WWOX: variants seen among roughly 807,000 people sequenced by gnomAD.
WWOX encodes the protein WW domain-containing oxidoreductase.
WWOX carries 69 observed loss-of-function variants against 46.2 expected under a neutral mutation model. That is an observed-to-expected ratio of 1.49 (90% CI 1.23 to 1.82). The LOEUF is 1.82. Ranked by LOEUF, WWOX falls within the 40% of genes most tolerant of loss-of-function variation. The pLI is 0.00. For missense variants in WWOX, 919 were observed against 542.6 expected (o/e 1.69, Z -6.89); for synonymous variants, 359 against 202.6 (o/e 1.77, Z -6.56).
intron 6 of WWOX, among the ~76,000 whole-genome samples, chr16:78,402,254 G>A (rs972762367): frequency 2.0e-5 from 3 of 151,990 alleles, no homozygotes; most frequent in Non-Finnish European, 4.4e-5. Context: ...TTTGTGACTG[G>A]CTTTCACTTA....
chr16:78,200,112 T>C (rs2036186769), intron 5 of WWOX, among the ~76,000 whole-genome samples: 1 of 152,126 alleles, frequency 6.6e-6, no homozygotes, highest in African/African-American at 2.4e-5. Flanking sequence ...AGTTACTGAG[T>C]GTCGCCAAGA....
At chr16:78,600,477 T>A (rs1295169100) in intron 8 of WWOX, among the ~76,000 whole-genome samples, 2 of 151,960 alleles carry the variant, frequency 1.3e-5, no homozygotes, top group Non-Finnish European at 2.9e-5. Flanking sequence ...TTCTTTTCTT[T>A]CCCCCCAACC....
Position 78,705,971 on chromosome 16 carries a change from G to A in WWOX, c.1056+273219G>A, listed in dbSNP as rs112849072. Among the ~76,000 whole-genome samples the A allele has an allele frequency of 4.9e-3, 741 of 151,324 alleles. 4 individuals carry two copies. The highest frequency in any genetic ancestry group is 0.016 in the African/African-American group (672 of 41,270). ...GTGGAACGTGGTTTAGATGCTGTGC[G>A]TACAGCAGTGACTCAGATAGGTGTG... On this transcript the variant is annotated intron_variant, in intron 8 of 8. Transcript: ENST00000566780.
chr16:79,172,506 T>G (rs1331601498), intron 8 of WWOX, among the ~76,000 whole-genome samples: 2 of 152,094 alleles, frequency 1.3e-5, no homozygotes. Context: ...AGGCCCTACA[T>G]AAATGTTTGC....
chr16:78,681,441 C>T (rs138243973), intron 8 of WWOX, among the ~76,000 whole-genome samples: 1 of 151,428 alleles, frequency 6.6e-6, no homozygotes, highest in African/African-American at 2.4e-5. Flanking sequence ...TTTCCACATT[C>T]ATCTATAAAA....
chr16:78,547,210 G>A (rs2044061491), intron 8 of WWOX, among the ~76,000 whole-genome samples: 1 of 151,060 alleles, frequency 6.6e-6, no homozygotes, highest in African/African-American at 2.4e-5. Flanking sequence ...ACGGGGATAG[G>A]GTGAGATGAA....
At chr16:78,422,649 T>TA (rs2082958969) in intron 6 of WWOX, among the ~76,000 whole-genome samples, 1 of 43,992 alleles carries the variant, frequency 2.3e-5, no homozygotes, top group African/African-American at 4.6e-5. Flanking sequence ...CCCAGCCTCC[T>TA]GTTTTTTTTA....
intron 8 of WWOX, among the ~76,000 whole-genome samples, chr16:78,887,086 GTGTGTGTGTGTGTGTGTGT>G (rs1567627206): frequency 7.7e-5 from 1 of 13,058 alleles, no homozygotes; most frequent in Admixed American, 2.6e-3. Flanking sequence ...TGGTGTGTGT[GTGTGTGTGTGTGTGTGTGT>G]GTGTGTGTGT....
intron 4 of WWOX, among the ~76,000 whole-genome samples, chr16:78,115,537 T>C (rs769126042): frequency 1.3e-5 from 2 of 152,226 alleles, no homozygotes; most frequent in African/African-American, 2.4e-5. Flanking sequence ...CAAGGTATTA[T>C]GTCTTTGGAA....
intron 8 of WWOX, among the ~76,000 whole-genome samples, chr16:79,086,601 C>T (rs751855183): frequency 3.9e-5 from 6 of 152,146 alleles, no homozygotes; most frequent in Admixed American, 3.9e-4. Context: ...TGTGTCCTGG[C>T]CAGGTGCAGT....
chr16:78,197,787 G>A (rs2036101605), intron 5 of WWOX, among the ~76,000 whole-genome samples: 1 of 152,102 alleles, frequency 6.6e-6, no homozygotes, highest in African/African-American at 2.4e-5. Context: ...AAGACATACT[G>A]ACAAGGAGAG....
At chr16:78,568,271 G>T (rs916945585) in intron 8 of WWOX, among the ~76,000 whole-genome samples, 5 of 151,950 alleles carry the variant, frequency 3.3e-5, no homozygotes, top group African/African-American at 1.2e-4. Flanking sequence ...ACGGGATGAA[G>T]ATGAGGGAGG....
At chr16:79,211,555 C>G (rs996805094) in intron 8 of WWOX, 53 bp from the exon 9 acceptor site, 1 of 1,612,054 alleles carries the variant, frequency 6.2e-7, no homozygotes, top group Non-Finnish European at 8.5e-7. Context: ...ATGACGCCAT[C>G]TCATCACTCC....
chr16:78,916,534 A>C (rs2045255899), intron 8 of WWOX, among the ~76,000 whole-genome samples: 2 of 152,180 alleles, frequency 1.3e-5, no homozygotes, highest in South Asian at 4.1e-4. Context: ...CTTATAATTT[A>C]CCATCCAATG....
intron 8 of WWOX, among the ~76,000 whole-genome samples, chr16:78,953,579 G>C (rs1226752517): frequency 6.6e-6 from 1 of 152,206 alleles, no homozygotes. Flanking sequence ...TGACGGCAGA[G>C]AGTGTGTCCC....
At position 78,770,218 on chromosome 16, in the gene WWOX, G is replaced by T. The variant is rs192049280; in HGVS notation, c.1056+337466G>T. ...ATACAAAAGTGAGTCGGGGTTGGTG[G>T]TGTGCTCCTGTAGTTCCAGCTACTT... On this transcript the variant is annotated intron_variant, in intron 8 of 8. Transcript: ENST00000566780. Among the ~76,000 whole-genome samples the T allele has an allele frequency of 2.9e-3, 435 of 152,222 alleles. 2 individuals carry two copies. Among genetic ancestry groups the T allele is most frequent in the Admixed American group, 6.8e-3 (104 of 15,282 alleles).
At chr16:78,492,250 G>A (rs879913129) in intron 8 of WWOX, among the ~76,000 whole-genome samples, 4 of 152,192 alleles carry the variant, frequency 2.6e-5, no homozygotes, top group Admixed American at 1.3e-4. Context: ...GGCAGTAGAG[G>A]TTGGACGAGA....
At chr16:78,809,606 T>C (rs936344208) in intron 8 of WWOX, among the ~76,000 whole-genome samples, 3 of 152,064 alleles carry the variant, frequency 2.0e-5, no homozygotes, top group African/African-American at 7.2e-5. Context: ...CTCCTATCAG[T>C]TTTTCAGAAA....
At chr16:78,152,428 T>C (rs1597275422) in intron 4 of WWOX, among the ~76,000 whole-genome samples, 1 of 152,144 alleles carries the variant, frequency 6.6e-6, no homozygotes, top group African/African-American at 2.4e-5. Context: ...TGTGGCTGGG[T>C]CAAAGAGCAT....
Sources: allele counts gnomAD v4.1 joint callset (sites outside exome capture counted in the v4.1 genomes callset), GRCh38; gene constraint gnomAD v4.1.1; transcripts MANE v1.5; gene names NCBI Gene and HGNC (gene_info 2026-07-23, HGNC 2026-07-21).